Variants in CTNND2 observed in about 807,000 individuals in gnomAD.
CTNND2 encodes catenin delta-2.
In CTNND2, 22 loss-of-function variants were observed where a neutral mutation model predicts 144.4. The ratio of observed to expected loss-of-function variants is 0.15; its 90% CI spans 0.11 to 0.22. The LOEUF is 0.22. CTNND2 is among the 10% of genes least tolerant of loss of function. CTNND2 has a pLI of 1.00. For synonymous variants in CTNND2, 751 were observed against 695.6 expected (o/e 1.08, Z -1.25); for missense variants, 1,353 against 1,618.8 (o/e 0.84, Z 2.82).
At chr5:11,573,614 T>C (rs186803698) in intron 2 of CTNND2, among the ~76,000 whole-genome samples, 103 of 152,258 alleles carry the variant, frequency 6.8e-4, no homozygotes, top group Middle Eastern at 3.4e-3. Flanking sequence ...GTACACCTCA[T>C]TGGTGAGTCA....
At chr5:11,807,723 C>T (rs116457098) in intron 1 of CTNND2, among the ~76,000 whole-genome samples, 6 of 152,284 alleles carry the variant, frequency 3.9e-5, no homozygotes, top group South Asian at 2.1e-4. Flanking sequence ...ACCATCGCCA[C>T]GTACTAAGAC....
At chr5:11,835,021 C>T (rs189089372) in intron 1 of CTNND2, among the ~76,000 whole-genome samples, 1 of 152,266 alleles carries the variant, frequency 6.6e-6, no homozygotes, top group Admixed American at 6.5e-5. Flanking sequence ...TGTCTGTAGT[C>T]CAGCTACTCA....
chr5:11,551,595 T>C (rs998390624), intron 3 of CTNND2, among the ~76,000 whole-genome samples: 2 of 151,490 alleles, frequency 1.3e-5, no homozygotes, highest in African/African-American at 2.4e-5. Context: ...TTTTTTTTTG[T>C]TTTCTTTGTT....
intron 8 of CTNND2, among the ~76,000 whole-genome samples, chr5:11,360,936 A>G (rs867302717): frequency 6.6e-6 from 1 of 152,184 alleles, no homozygotes; most frequent in Non-Finnish European, 1.5e-5. Flanking sequence ...ATGTCTATCT[A>G]TTTTGTTTTT....
At chr5:11,376,326 G>GTGTGTGTGTGTTCATGTATC (rs1554044808) in intron 7 of CTNND2, among the ~76,000 whole-genome samples, 36 of 152,084 alleles carry the variant, frequency 2.4e-4, no homozygotes, top group African/African-American at 7.7e-4. Context: ...GTGTGTGTGT[G>GTGTGTGTGTGTTCATGTATC]TGTGTGTGTG....
In CTNND2 at chr5:11,067,566, C is replaced by T. The variant is rs529257131; in HGVS notation, c.2788+15130G>A. Among the ~76,000 whole-genome samples the T allele has an allele frequency of 5.9e-5, 9 of 152,280 alleles. No individual in the cohort carries two copies. In the East Asian group the frequency reaches 1.5e-3, roughly 26 times the overall value. The stretch of plus-strand genomic sequence containing the variant: ...TGGGAAAAGGTGCTGCCAGGAAAAG[C>T]AGCACCTCCAACCCTGTGGTCTAAC... On this transcript the variant is annotated intron_variant, in intron 16 of 21. Coordinates refer to ENST00000304623, the MANE Select transcript of CTNND2 (RefSeq NM_001332.4).
At chr5:11,355,976 ATAAACT>A (rs1278083582) in intron 8 of CTNND2, among the ~76,000 whole-genome samples, 2 of 152,076 alleles carry the variant, frequency 1.3e-5, no homozygotes, top group African/African-American at 4.8e-5. Flanking sequence ...ATATGTAGAA[ATAAACT>A]TAACCGAGGA....
intron 10 of CTNND2, among the ~76,000 whole-genome samples, chr5:11,233,855 T>C (rs1189387850): frequency 6.6e-6 from 1 of 152,174 alleles, no homozygotes; most frequent in Non-Finnish European, 1.5e-5. Context: ...GCACTTCCCA[T>C]GTTCCTTTGG....
intron 9 of CTNND2, among the ~76,000 whole-genome samples, chr5:11,326,790 C>A (rs1409805548): frequency 6.6e-6 from 1 of 152,140 alleles, no homozygotes; most frequent in Admixed American, 6.5e-5. Flanking sequence ...CAGATCAGGG[C>A]ATCTTTAACA....
chr5:11,889,322 T>C (rs1021793291), intron 1 of CTNND2, among the ~76,000 whole-genome samples: 4 of 152,186 alleles, frequency 2.6e-5, no homozygotes, highest in Non-Finnish European at 4.4e-5. Flanking sequence ...AAGACTAAAC[T>C]GAGTTAATGA....
Position 11,601,677 on chromosome 5 carries a change from G to T in CTNND2, c.175-36621C>A, listed in dbSNP as rs182177632. ...CTGCTGCCTTATAGTTTATAAAATG[G>T]ATTTACATAAATTATCACTTTTGAT... On this transcript the variant is annotated intron_variant, in intron 2 of 21. Coordinates refer to ENST00000304623, the MANE Select transcript of CTNND2 (RefSeq NM_001332.4). Among the ~76,000 whole-genome samples, 513 of 152,006 alleles carry T rather than the reference G, an allele frequency of 3.4e-3. 2 individuals carry two copies. The highest frequency in any genetic ancestry group is 6.3e-3 in the Admixed American group (96 of 15,252).
At chr5:11,189,968 T>A (rs899207654) in intron 11 of CTNND2, among the ~76,000 whole-genome samples, 1 of 152,226 alleles carries the variant, frequency 6.6e-6, no homozygotes, top group Non-Finnish European at 1.5e-5. Context: ...TTTTGCCCTC[T>A]GCCTGTGCAT....
rs149924305 is a variant in CTNND2 at position 11,869,620 on chromosome 5, C to T, written c.37+34197G>A. 2.9e-3 allele frequency among the ~76,000 whole-genome samples: 435 copies of T among 152,170 alleles called. 2 individuals carry two copies. Among genetic ancestry groups the T allele is most frequent in the African/African-American group, 9.7e-3 (404 of 41,514 alleles). On this transcript the variant is annotated intron_variant, in intron 1 of 21. Coordinates refer to ENST00000304623, the MANE Select transcript of CTNND2 (RefSeq NM_001332.4). Reference sequence around the variant, plus strand: ...GTTTAATTGGTACAGAGCTGCTATTCGAAATAATGCAAAAGTTCTGGAAAT... The same window carrying T: ...GTTTAATTGGTACAGAGCTGCTATTTGAAATAATGCAAAAGTTCTGGAAAT...
At chr5:11,025,122 TCTATTTATCAGTCTA>T (rs1355531017) in intron 16 of CTNND2, among the ~76,000 whole-genome samples, 5 of 152,238 alleles carry the variant, frequency 3.3e-5, no homozygotes, top group Non-Finnish European at 5.9e-5. Flanking sequence ...TTTCATTAAG[TCTATTTATCAGTCTA>T]CTATTTATCA....
At chr5:11,650,715 G>T (rs1270709231) in intron 2 of CTNND2, among the ~76,000 whole-genome samples, 1 of 152,208 alleles carries the variant, frequency 6.6e-6, no homozygotes, top group Non-Finnish European at 1.5e-5. Flanking sequence ...CAAAGAGACT[G>T]GTGGCACTGT....
intron 5 of CTNND2, among the ~76,000 whole-genome samples, chr5:11,405,203 C>T (rs956523538): frequency 6.6e-6 from 1 of 152,162 alleles, no homozygotes; most frequent in Non-Finnish European, 1.5e-5. Flanking sequence ...TGTGCTTGAT[C>T]CCAGAAGATC....
chr5:11,859,607 A>G (rs536324476), intron 1 of CTNND2, among the ~76,000 whole-genome samples: 12 of 152,280 alleles, frequency 7.9e-5, no homozygotes, highest in African/African-American at 2.6e-4. Flanking sequence ...GACCTTGCAC[A>G]TGATTTCCAC....
At chr5:11,574,939 T>C (rs764944313) in intron 2 of CTNND2, among the ~76,000 whole-genome samples, 5 of 152,214 alleles carry the variant, frequency 3.3e-5, no homozygotes, top group African/African-American at 7.2e-5. Flanking sequence ...TTGCTCCAAA[T>C]ATCCATTTCC....
intron 12 of CTNND2, among the ~76,000 whole-genome samples, chr5:11,129,704 A>G (rs1755370730): frequency 6.6e-6 from 1 of 152,074 alleles, no homozygotes; most frequent in Non-Finnish European, 1.5e-5. Flanking sequence ...GGCATTCTGT[A>G]TCTGTCTAGG....
Sources: allele counts gnomAD v4.1 joint callset (sites outside exome capture counted in the v4.1 genomes callset), GRCh38; gene constraint gnomAD v4.1.1; transcripts MANE v1.5; gene names NCBI Gene and HGNC (gene_info 2026-07-23, HGNC 2026-07-21).